The following TENM1 variants were observed in gnomAD, a reference collection of about 807,000 sequenced individuals.
TENM1 encodes teneurin transmembrane protein 1, also known as teneurin-1.
TENM1 carries 35 observed loss-of-function variants against 174.8 expected under a neutral mutation model. The ratio of observed to expected loss-of-function variants is 0.20; its 90% confidence interval spans 0.15 to 0.27. TENM1 has a LOEUF of 0.27. Ranked by LOEUF, TENM1 falls within the 10% of genes least tolerant of loss-of-function variation. The probability of loss-of-function intolerance (pLI) is 1.00; values close to 1 mark genes in which losing one functional copy is unlikely to be tolerated. For missense variants in TENM1, 1,633 were observed against 2,130.1 expected (o/e 0.77, Z 4.59); for synonymous variants, 781 against 798.7 (o/e 0.98, Z 0.37).
intron 27 of TENM1, among the ~76,000 whole-genome samples, chrX:124,399,844 C>T (rs772918030): frequency 9.0e-6 from 1 of 111,337 alleles, no homozygotes; most frequent in African/African-American, 3.3e-5. Context: ...CGGTGGCATG[C>T]GCCTGTAGTC....
At chrX:124,427,805 C>G (rs190772883) in intron 23 of TENM1, among the ~76,000 whole-genome samples, 8 of 112,093 alleles carry the variant, frequency 7.1e-5, no homozygotes, top group African/African-American at 2.3e-4. Flanking sequence ...AGTCTTTGAG[C>G]TGATTCTGAC....
chrX:124,857,824 T>C (rs773254607), intron 3 of TENM1, among the ~76,000 whole-genome samples: 1 of 109,647 alleles, frequency 9.1e-6, no homozygotes, highest in Admixed American at 9.6e-5. Flanking sequence ...CACTCACAAA[T>C]GAAAGGGTAG....
the TENM1 span, among the ~76,000 whole-genome samples, chrX:125,085,710 GC>G: frequency 9.1e-6 from 1 of 110,254 alleles, no homozygotes; most frequent in Non-Finnish European, 1.9e-5. Context: ...GTTCATTATT[GC>G]TTACTGATTT....
At chrX:125,101,698 T>C in the TENM1 span, among the ~76,000 whole-genome samples, 604 of 112,207 alleles carry the variant, frequency 5.4e-3, 2 homozygotes, top group Middle Eastern at 0.018. Context: ...TTTTCTGTGG[T>C]TCGCTACTAC....
chrX:124,623,263 A>C, intron 11 of TENM1, among the ~76,000 whole-genome samples: 1 of 110,806 alleles, frequency 9.0e-6, no homozygotes, highest in Non-Finnish European at 1.9e-5. Context: ...GTGAGTGTGC[A>C]TATATGTGTG....
intron 20 of TENM1, among the ~76,000 whole-genome samples, chrX:124,490,890 C>G (rs758172789): frequency 2.7e-5 from 3 of 111,921 alleles, no homozygotes; most frequent in Non-Finnish European, 3.8e-5. Flanking sequence ...CCTATTTTTA[C>G]TTACATAATT....
At chrX:124,637,413 CAT>C (rs1422477473) in intron 11 of TENM1, among the ~76,000 whole-genome samples, 2 of 110,457 alleles carry the variant, frequency 1.8e-5, no homozygotes, top group Non-Finnish European at 3.8e-5. Context: ...TAACCCCTCT[CAT>C]GTCTGTCCTT....
intron 14 of TENM1, among the ~76,000 whole-genome samples, chrX:124,549,438 C>T (rs772874908): frequency 8.9e-6 from 1 of 111,836 alleles, no homozygotes; most frequent in South Asian, 3.8e-4. Context: ...TCACATTGGG[C>T]AGTCACAGGT....
intron 3 of TENM1, among the ~76,000 whole-genome samples, chrX:124,885,046 A>G (rs2057361074): frequency 8.9e-6 from 1 of 111,842 alleles, no homozygotes; most frequent in African/African-American, 3.3e-5. Context: ...GCATCTAAAT[A>G]TATCTAAATG....
the TENM1 span, among the ~76,000 whole-genome samples, chrX:125,123,000 T>C: frequency 9.0e-6 from 1 of 111,685 alleles, no homozygotes; most frequent in Non-Finnish European, 1.9e-5. Flanking sequence ...TTTCTACACA[T>C]GTAGAATCAT....
chrX:124,912,584 G>A (rs1179559782), intron 1 of TENM1, among the ~76,000 whole-genome samples: 2 of 110,498 alleles, frequency 1.8e-5, no homozygotes, highest in African/African-American at 3.3e-5. Flanking sequence ...GGGTGGGGTT[G>A]GGGGAAGAAA....
intron 5 of TENM1, among the ~76,000 whole-genome samples, chrX:124,695,429 T>C (rs2052625152): frequency 1.8e-5 from 2 of 110,812 alleles, no homozygotes; most frequent in Non-Finnish European, 3.8e-5. Context: ...AGTTCCTGAT[T>C]TGGGGAGGGA....
At chrX:124,876,600 C>G (rs990607325) in intron 3 of TENM1, among the ~76,000 whole-genome samples, 27 of 111,882 alleles carry the variant, frequency 2.4e-4, no homozygotes, top group Admixed American at 2.4e-3. Context: ...GCTGTTAAAA[C>G]ATTTAAGTAG....
At chrX:124,955,560 T>C (rs905820484) in intron 1 of TENM1, among the ~76,000 whole-genome samples, 2 of 111,453 alleles carry the variant, frequency 1.8e-5, no homozygotes, top group African/African-American at 6.5e-5. Flanking sequence ...ATTCAGTGCT[T>C]CTGAGGGTAA....
chrX:125,072,720 T>C, the TENM1 span, among the ~76,000 whole-genome samples: 2 of 110,942 alleles, frequency 1.8e-5, no homozygotes, highest in African/African-American at 6.5e-5. Flanking sequence ...ATAATAATAA[T>C]AAAATAAAAA....
At chrX:124,809,873 AGAGAG>A (rs781165191) in intron 3 of TENM1, among the ~76,000 whole-genome samples, 23 of 107,844 alleles carry the variant, frequency 2.1e-4, no homozygotes, top group African/African-American at 7.8e-4. Flanking sequence ...AGAGAGAGAG[AGAGAG>A]AAGCAGGAAG....
intron 22 of TENM1, among the ~76,000 whole-genome samples, chrX:124,455,763 A>G (rs187016050): frequency 6.3e-5 from 7 of 111,832 alleles, no homozygotes; most frequent in Admixed American, 3.8e-4. Flanking sequence ...CTGGAACTTT[A>G]GTAAATTAAG....
At chrX:124,404,962 AAC>A (rs1052111119) in intron 27 of TENM1, 67 bp downstream of exon 30, 2 of 951,409 alleles carry the variant, frequency 2.1e-6, no homozygotes, top group African/African-American at 3.9e-5. Context: ...TAAACAAACA[AAC>A]AAACAAACAA....
At chrX:124,527,846 C>T (rs371707815) in intron 16 of TENM1, among the ~76,000 whole-genome samples, 28 of 100,265 alleles carry the variant, frequency 2.8e-4, no homozygotes, top group African/African-American at 5.9e-4. Context: ...TTAGTAGAGA[C>T]GGGGTTTCAC....
Sources: gnomAD v4.1 joint callset for allele counts (sites outside exome capture counted in the v4.1 genomes callset) on GRCh38, gnomAD v4.1.1 for gene constraint, MANE v1.5 for transcripts, NCBI Gene and HGNC (gene_info 2026-07-23, HGNC 2026-07-21) for gene names.